The following WWOX variants were observed in gnomAD, a reference collection of about 807,000 sequenced individuals.
The protein encoded by WWOX is WW domain containing oxidoreductase.
WWOX carries 69 observed loss-of-function variants against 46.2 expected under a neutral mutation model. The observed-to-expected ratio is 1.49, with a 90% confidence interval of 1.23 to 1.82. WWOX has a LOEUF of 1.82. Ranked by LOEUF, WWOX falls within the 40% of genes most tolerant of loss-of-function variation. The pLI is 0.00. For missense variants in WWOX, 919 were observed against 542.6 expected, an observed-to-expected ratio of 1.69 and a Z score of -6.89; for synonymous variants, 359 against 202.6, an observed-to-expected ratio of 1.77 and a Z score of -6.56.
intron 4 of WWOX, among the ~76,000 whole-genome samples, chr16:78,160,682 A>C: frequency 6.6e-6 from 1 of 152,172 alleles, no homozygotes; most frequent in East Asian, 1.9e-4. Context: ...AATCTTTTGA[A>C]ATTCATTGAG....
chr16:78,309,269 C>A (rs371753122), intron 5 of WWOX, among the ~76,000 whole-genome samples: 3 of 152,174 alleles, frequency 2.0e-5, no homozygotes, highest in Non-Finnish European at 2.9e-5. Context: ...TTGGTAGTTT[C>A]TCTGCGTTCA....
intron 8 of WWOX, among the ~76,000 whole-genome samples, chr16:78,585,327 C>G (rs564764005): frequency 6.6e-6 from 1 of 152,280 alleles, no homozygotes; most frequent in South Asian, 2.1e-4. Flanking sequence ...CGAATGGAGA[C>G]CATCACCCTG....
intron 4 of WWOX, among the ~76,000 whole-genome samples, chr16:78,162,982 G>A (rs772865558): frequency 5.9e-5 from 9 of 151,840 alleles, no homozygotes; most frequent in Non-Finnish European, 1.3e-4. Flanking sequence ...TAATTCCCTG[G>A]CAAAATTCTC....
intron 5 of WWOX, among the ~76,000 whole-genome samples, chr16:78,204,046 T>C (rs1276094397): frequency 6.6e-6 from 1 of 152,084 alleles, no homozygotes; most frequent in African/African-American, 2.4e-5. Flanking sequence ...TCCCCTCAAC[T>C]CCAGGGACAG....
At chr16:78,222,771 G>C (rs751250365) in intron 5 of WWOX, among the ~76,000 whole-genome samples, 4 of 152,230 alleles carry the variant, frequency 2.6e-5, no homozygotes, top group Non-Finnish European at 5.9e-5. Context: ...GTCAGTTCAT[G>C]ACAAATGTAG....
chr16:79,191,664 T>C (rs1217595029), intron 8 of WWOX, among the ~76,000 whole-genome samples: 1 of 152,164 alleles, frequency 6.6e-6, no homozygotes, highest in African/African-American at 2.4e-5. Flanking sequence ...GTTTTCAAAC[T>C]AGAGAAGCAC....
chr16:78,749,019 A>C (rs778041219), intron 8 of WWOX, among the ~76,000 whole-genome samples: 1 of 152,224 alleles, frequency 6.6e-6, no homozygotes, highest in Non-Finnish European at 1.5e-5. Context: ...TAGCAGTGGG[A>C]TCAGAGAAAT....
intron 5 of WWOX, among the ~76,000 whole-genome samples, chr16:78,195,149 C>A (rs1274755869): frequency 1.3e-5 from 2 of 152,210 alleles, no homozygotes; most frequent in East Asian, 3.8e-4. Context: ...GCTGGTACTT[C>A]ACCCTGGAGA....
chr16:78,924,488 G>A (rs1305891109), intron 8 of WWOX, among the ~76,000 whole-genome samples: 1 of 152,162 alleles, frequency 6.6e-6, no homozygotes, highest in African/African-American at 2.4e-5. Flanking sequence ...CTTCGCTGCA[G>A]GCTACTTGGT....
At chr16:79,201,028 A>G (rs2051338626) in intron 8 of WWOX, among the ~76,000 whole-genome samples, 3 of 152,152 alleles carry the variant, frequency 2.0e-5, no homozygotes, top group South Asian at 2.1e-4. Flanking sequence ...GCCAAATGTT[A>G]TCACTCATCC....
intron 5 of WWOX, among the ~76,000 whole-genome samples, chr16:78,195,113 G>A (rs749788003): frequency 6.6e-6 from 1 of 152,162 alleles, no homozygotes; most frequent in East Asian, 1.9e-4. Flanking sequence ...CTGCCAAGCT[G>A]TTCCATCCCC....
intron 8 of WWOX, among the ~76,000 whole-genome samples, chr16:78,765,958 G>C (rs975862957): frequency 6.6e-6 from 1 of 152,170 alleles, no homozygotes; most frequent in African/African-American, 2.4e-5. Flanking sequence ...CCAGTGGCTT[G>C]AAAGTATAAC....
intron 4 of WWOX, among the ~76,000 whole-genome samples, chr16:78,121,955 C>T (rs1443077290): frequency 6.6e-6 from 1 of 152,164 alleles, no homozygotes; most frequent in Non-Finnish European, 1.5e-5. Flanking sequence ...ACCGCTGTGC[C>T]TGGCCCGTGT....
At chr16:79,135,110 A>C (rs111697368) in intron 8 of WWOX, among the ~76,000 whole-genome samples, 2 of 152,102 alleles carry the variant, frequency 1.3e-5, no homozygotes, top group Non-Finnish European at 2.9e-5. Context: ...TTTTCTAACA[A>C]TTTTTTTCTT....
At chr16:79,060,296 C>T (rs1161656290) in intron 8 of WWOX, among the ~76,000 whole-genome samples, 1 of 152,220 alleles carries the variant, frequency 6.6e-6, no homozygotes, top group Admixed American at 6.5e-5. Context: ...GTTGTGCCGG[C>T]CACACTGTGA....
At chr16:78,394,947 C>G (rs761033323) in intron 6 of WWOX, among the ~76,000 whole-genome samples, 1 of 152,168 alleles carries the variant, frequency 6.6e-6, no homozygotes, top group African/African-American at 2.4e-5. Context: ...CTCAGCGTCA[C>G]TTTCCAAGTG....
chr16:79,020,752 A>G (rs1349448047), intron 8 of WWOX, among the ~76,000 whole-genome samples: 1 of 152,224 alleles, frequency 6.6e-6, no homozygotes, highest in Non-Finnish European at 1.5e-5. Context: ...GTCAACACGC[A>G]TGCAGCTTCC....
chr16:78,935,189 A>G (rs1311600200), intron 8 of WWOX, among the ~76,000 whole-genome samples: 1 of 152,202 alleles, frequency 6.6e-6, no homozygotes, highest in Non-Finnish European at 1.5e-5. Flanking sequence ...TGTGGAAGAC[A>G]TTGTGGCGAT....
intron 5 of WWOX, among the ~76,000 whole-genome samples, chr16:78,246,878 G>T (rs149671727): frequency 0.013 from 2,035 of 152,100 alleles, 22 homozygotes; most frequent in Middle Eastern, 0.027. Flanking sequence ...ACTCCCGAGA[G>T]AGGAAATAAA....
Sources: gnomAD v4.1 joint callset for allele counts (sites outside exome capture counted in the v4.1 genomes callset) on GRCh38, gnomAD v4.1.1 for gene constraint, MANE v1.5 for transcripts, NCBI Gene and HGNC (gene_info 2026-07-23, HGNC 2026-07-21) for gene names.